The following IMPG1 variants were observed in gnomAD, a reference collection of about 807,000 sequenced individuals.
IMPG1 encodes interphotoreceptor matrix proteoglycan 1.
In IMPG1, 85 loss-of-function variants were observed where a neutral mutation model predicts 92.0. The ratio of observed to expected loss-of-function variants is 0.92; its 90% confidence interval spans 0.78 to 1.11. IMPG1 has a LOEUF of 1.11. IMPG1 is among the 50% of genes least tolerant of loss of function. The pLI is 0.00. For synonymous variants in IMPG1, 367 were observed against 334.1 expected, an observed-to-expected ratio of 1.10 and a Z score of -1.08; for missense variants, 1,022 against 956.0, an observed-to-expected ratio of 1.07 and a Z score of -0.91.
intron 2 of IMPG1, among the ~76,000 whole-genome samples, chr6:76,037,331 G>T (rs1383309636): frequency 1.3e-5 from 2 of 152,138 alleles, no homozygotes; most frequent in Non-Finnish European, 2.9e-5. Context: ...ATCTTTTAAT[G>T]AGTAACCCAC....
At position 75,933,373 on chromosome 6, in the gene IMPG1, A is replaced by G. The variant is rs112006341; in HGVS notation, c.2045-2222T>C. On this transcript the variant is annotated intron_variant, in intron 14 of 16. Transcript: ENST00000369950. ...ACCATTTATTTTTACTGTTGGTACT[A>G]TAGAGAGATTTCACCATGATCCTGT... Among the ~76,000 whole-genome samples the G allele has an allele frequency of 1.2e-3, 176 of 152,292 alleles. 1 individual carries two copies. Among genetic ancestry groups the G allele is most frequent in the African/African-American group, 4.1e-3 (169 of 41,556 alleles).
intron 1 of IMPG1, among the ~76,000 whole-genome samples, chr6:76,067,985 C>A (rs1333380499): frequency 4.6e-5 from 7 of 152,026 alleles, no homozygotes; most frequent in African/African-American, 1.7e-4. Context: ...TTAAATATAG[C>A]ATCACTTCAC....
intron 14 of IMPG1, among the ~76,000 whole-genome samples, chr6:75,939,195 CT>C (rs1781798379): frequency 6.6e-6 from 1 of 152,152 alleles, no homozygotes; most frequent in Non-Finnish European, 1.5e-5. Flanking sequence ...TTTTTCTTTT[CT>C]TTTCTTTTTT....
intron 14 of IMPG1, among the ~76,000 whole-genome samples, chr6:75,946,649 C>G (rs1781933653): frequency 6.6e-6 from 1 of 152,210 alleles, no homozygotes; most frequent in Non-Finnish European, 1.5e-5. Context: ...TGTTTGCTTT[C>G]TCTTGTGTGG....
intron 4 of IMPG1, among the ~76,000 whole-genome samples, chr6:76,025,684 T>A (rs1293501488): frequency 3.3e-5 from 5 of 152,138 alleles, no homozygotes; most frequent in Admixed American, 3.3e-4. Flanking sequence ...ATTAAGCTTA[T>A]CTAATAAAGT....
intron 1 of IMPG1, among the ~76,000 whole-genome samples, chr6:76,046,977 G>C (rs2127595411): frequency 6.6e-6 from 1 of 152,264 alleles, no homozygotes; most frequent in South Asian, 2.1e-4. Context: ...ATCAGCAATA[G>C]CATGAAATCA....
chr6:75,934,662 T>G (rs1387462930), intron 14 of IMPG1, among the ~76,000 whole-genome samples: 2 of 152,290 alleles, frequency 1.3e-5, no homozygotes, highest in East Asian at 3.9e-4. Context: ...TGCCTCTTTT[T>G]CAAGCCTCTT....
At position 75,999,773 on chromosome 6, in the gene IMPG1, T is replaced by C. The variant is rs537583214; in HGVS notation, c.1291+3145A>G. Among the ~76,000 whole-genome samples, 12 of 152,342 alleles carry C rather than the reference T, an allele frequency of 7.9e-5. No individual in the cohort carries two copies. In the South Asian group the frequency reaches 2.3e-3, roughly 29 times the overall value. ...AGCAAATATAACTCTTCTTGCTCAATACAAATCACAAGCTCAAATATGAGA... is the reference window on the plus strand; with the variant it reads ...AGCAAATATAACTCTTCTTGCTCAACACAAATCACAAGCTCAAATATGAGA... On this transcript the variant is annotated intron_variant, in intron 12 of 16. Transcript: ENST00000369950.
intron 1 of IMPG1, among the ~76,000 whole-genome samples, chr6:76,042,614 G>A (rs995312351): frequency 3.9e-5 from 6 of 152,156 alleles, no homozygotes; most frequent in African/African-American, 1.4e-4. Context: ...TTCTATATGG[G>A]CAGGGCTCAG....
chr6:75,975,998 C>T (rs79625326), intron 12 of IMPG1, among the ~76,000 whole-genome samples: 4 of 151,688 alleles, frequency 2.6e-5, no homozygotes, highest in Admixed American at 6.6e-5. Flanking sequence ...GCCTAGCTTG[C>T]GGGCTGTACA....
At chr6:76,051,912 G>A (rs1268201866) in intron 1 of IMPG1, among the ~76,000 whole-genome samples, 1 of 152,024 alleles carries the variant, frequency 6.6e-6, no homozygotes, top group African/African-American at 2.4e-5. Context: ...GAAATAAGAG[G>A]TTGCTAGTGC....
chr6:75,983,377 C>A (rs1440485346), intron 12 of IMPG1, among the ~76,000 whole-genome samples: 1 of 151,992 alleles, frequency 6.6e-6, no homozygotes, highest in Non-Finnish European at 1.5e-5. Context: ...TAAAAACAGA[C>A]ATACAGACCA....
At chr6:76,017,337 G>C (rs2149481816) in intron 7 of IMPG1, among the ~76,000 whole-genome samples, 1 of 152,256 alleles carries the variant, frequency 6.6e-6, no homozygotes, top group Admixed American at 6.5e-5. Context: ...AGAGATGGAA[G>C]AGACATCTTG....
At chr6:76,052,894 A>C (rs1784066142) in intron 1 of IMPG1, among the ~76,000 whole-genome samples, 1 of 152,160 alleles carries the variant, frequency 6.6e-6, no homozygotes, top group Non-Finnish European at 1.5e-5. Flanking sequence ...TTACACTAAG[A>C]TTGTCAACCA....
intron 6 of IMPG1, among the ~76,000 whole-genome samples, chr6:76,019,149 G>C (rs1340463832): frequency 2.6e-5 from 4 of 152,160 alleles, no homozygotes; most frequent in Admixed American, 2.0e-4. Flanking sequence ...GGAAGCAGGT[G>C]GCTAAGAACG....
rs182132837 is a variant in IMPG1 at position 75,988,085 on chromosome 6, T to A, written c.1291+14833A>T. Among the ~76,000 whole-genome samples, 668 of 152,348 alleles carry A rather than the reference T, an allele frequency of 4.4e-3. 11 individuals carry two copies. The highest frequency in any genetic ancestry group is 2.5e-3 in the Non-Finnish European group (167 of 68,036). ...TGAATAGTGCCACGATAAACATATGTGTGCATGTGTCTTTATAGCAGCATG... is the reference window on the plus strand; with the variant it reads ...TGAATAGTGCCACGATAAACATATGAGTGCATGTGTCTTTATAGCAGCATG... On this transcript the variant is annotated intron_variant, in intron 12 of 16. Transcript: ENST00000369950.
At chr6:75,987,639 A>G (rs1782740136) in intron 12 of IMPG1, among the ~76,000 whole-genome samples, 2 of 141,220 alleles carry the variant, frequency 1.4e-5, no homozygotes, top group African/African-American at 5.2e-5. Context: ...AAGGACATGA[A>G]CTCATCACTT....
chr6:76,069,889 C>G (rs1365001759), intron 1 of IMPG1, among the ~76,000 whole-genome samples: 1 of 152,074 alleles, frequency 6.6e-6, no homozygotes, highest in Non-Finnish European at 1.5e-5. Context: ...AACAGAAAAC[C>G]CAATACTGCA....
intron 1 of IMPG1, among the ~76,000 whole-genome samples, chr6:76,064,160 T>C (rs1320031931): frequency 6.6e-6 from 1 of 151,838 alleles, no homozygotes; most frequent in Non-Finnish European, 1.5e-5. Flanking sequence ...ATTCTAGGGG[T>C]AGAATGGAGG....
Sources: allele counts gnomAD v4.1 joint callset (sites outside exome capture counted in the v4.1 genomes callset), GRCh38; gene constraint gnomAD v4.1.1; transcripts MANE v1.5; gene names NCBI Gene and HGNC (gene_info 2026-07-23, HGNC 2026-07-21).